The following HIBCH variants were observed in gnomAD, a reference collection of about 807,000 sequenced individuals.
The protein encoded by HIBCH is 3-hydroxyisobutyryl-CoA hydrolase, mitochondrial.
Under a neutral mutation model 58.2 loss-of-function variants are expected in HIBCH, and 50 were observed. The observed-to-expected ratio is 0.86, with a 90% CI of 0.68 to 1.09. The LOEUF is 1.09. Ranked by LOEUF, HIBCH falls within the 50% of genes least tolerant of loss-of-function variation. HIBCH has a pLI of 0.00. For synonymous variants in HIBCH, 151 were observed against 146.9 expected (o/e 1.03, Z -0.20); for missense variants, 450 against 449.7 (o/e 1.00, Z -0.01).
chr2:190,237,313 T>C (rs1686302941), intron 11 of HIBCH, among the ~76,000 whole-genome samples: 1 of 152,234 alleles, frequency 6.6e-6, no homozygotes, highest in Non-Finnish European at 1.5e-5. Flanking sequence ...AGCCATACAA[T>C]GAGTGGTCCT....
At position 190,290,482 on chromosome 2, in the gene HIBCH, A is replaced by T; in HGVS notation, c.308T>A (p.Ile103Asn). 1.1e-5 allele frequency: 18 copies of T among 1,591,228 alleles called. No individual in the cohort carries two copies. The highest frequency in any genetic ancestry group is 1.6e-5 in the Non-Finnish European group (18 of 1,160,150). ...AFCAGGDIRV[I>N]SEAEKAKQKI... ...CTGTTTTGCCTTTTCAGCTTCCGAG[A>T]TCACTAGGAAGGAAAGATTACAAAT... Residue 103 changes from isoleucine (I) to asparagine (N), a missense_variant, in exon 5 of 14, where the codon ATC (isoleucine) becomes AAC (asparagine). Physicochemically the swap from Ile to Asn is moderately radical, Grantham distance 149. Coordinates refer to ENST00000359678, the MANE Select transcript of HIBCH (RefSeq NM_014362.4).
chr2:190,237,392 T>G (rs1355911886), intron 11 of HIBCH, among the ~76,000 whole-genome samples: 1 of 152,260 alleles, frequency 6.6e-6, no homozygotes, highest in Non-Finnish European at 1.5e-5. Context: ...CAGCAGCTCA[T>G]TCCTTCTTAG....
chr2:190,251,664 T>C (rs1184595689), intron 8 of HIBCH: 7 of 225,054 alleles, frequency 3.1e-5, no homozygotes, highest in Non-Finnish European at 6.7e-5. Flanking sequence ...GCTGAGAAAA[T>C]TGGCCACATT....
chr2:190,311,447 T>C (rs191788571), intron 1 of HIBCH, among the ~76,000 whole-genome samples: 1 of 152,280 alleles, frequency 6.6e-6, no homozygotes, highest in African/African-American at 2.4e-5. Context: ...AAAAATAAAG[T>C]CATTAATCTT....
Position 190,213,093 on chromosome 2 carries a change from T to G in HIBCH, c.892-18A>C, listed in dbSNP as rs113980003. ...TTAATTACCTTTTGGAGGAAAAAAT[T>G]TACTACTGTTAGTCCAATAGTTCCT... is the stretch of plus-strand genomic sequence containing the variant. On this transcript the variant is annotated intron_variant, in intron 11 of 13. Transcript: ENST00000359678. The G allele has an allele frequency of 1.6e-5, 25 of 1,566,422 alleles. No homozygotes were observed. The African/African-American group carries it at 1.8e-4, about 11-fold the overall frequency.
Position 190,261,240 on chromosome 2 carries a change from G to GA in HIBCH, c.439-7dup, listed in dbSNP as rs1687081382. ...TGGACTGAGAGACCAACTCCCTAGA[G>GA]AAAAAAGGCAAAAAAAGAGGCGGGG... On this transcript the variant is annotated splice_region_variant and splice_polypyrimidine_tract_variant and intron_variant, in intron 6 of 13. Coordinates refer to ENST00000359678, the MANE Select transcript of HIBCH (RefSeq NM_014362.4). 1.9e-6 allele frequency: 3 copies of GA among 1,549,552 alleles called. No homozygotes were observed. Among genetic ancestry groups the GA allele is most frequent in the South Asian group, 1.1e-5 (1 of 90,034 alleles).
In HIBCH at chr2:190,289,594, T is replaced by C. The variant is rs185308462; in HGVS notation, c.385+811A>G. ...AACTTCCAAACTTGCAGTATTATAT[T>C]TCTTTTGGAGAAATTTTAAATCATC... On this transcript the variant is annotated intron_variant, in intron 5 of 13. Coordinates refer to ENST00000359678, the MANE Select transcript of HIBCH (RefSeq NM_014362.4). 5.9e-5 allele frequency among the ~76,000 whole-genome samples: 9 copies of C among 152,262 alleles called. No individual in the cohort carries two copies. The East Asian group carries it at 1.7e-3, about 29-fold the overall frequency.
At chr2:190,231,910 T>C (rs1483704140) in intron 11 of HIBCH, among the ~76,000 whole-genome samples, 2 of 152,180 alleles carry the variant, frequency 1.3e-5, no homozygotes, top group African/African-American at 4.8e-5. Context: ...TAAAACTTAA[T>C]TTCAGGGCAG....
intron 9 of HIBCH, 121 bp downstream of exon 9, chr2:190,249,519 A>T: frequency 1.6e-6 from 1 of 643,466 alleles, no homozygotes; most frequent in Non-Finnish European, 2.8e-6. Context: ...GCTTTAAAGT[A>T]AATAAATCCT....
At chr2:190,300,794 T>C (rs1403510096) in intron 2 of HIBCH, among the ~76,000 whole-genome samples, 1 of 152,258 alleles carries the variant, frequency 6.6e-6, no homozygotes, top group Non-Finnish European at 1.5e-5. Context: ...GGGTTTTACA[T>C]TTAAATCTTT....
At chr2:190,199,724 A>G (rs1690154901), downstream of HIBCH, 2 of 1,483,858 alleles carry the variant, frequency 1.3e-6, no homozygotes, top group African/African-American at 1.4e-5. Flanking sequence ...AGAGTGGTGA[A>G]AGGGAACATT....
In HIBCH at chr2:190,206,842, T is replaced by C. The variant is rs1322712192; in HGVS notation, c.1046-1610A>G. Among the ~76,000 whole-genome samples the C allele has an allele frequency of 6.6e-5, 10 of 152,170 alleles. No individual in the cohort carries two copies. Among genetic ancestry groups the C allele is most frequent in the Admixed American group, 6.5e-4 (10 of 15,274 alleles). ...ACTTTCTCTTCATTAAAAAGTAGCA[T>C]AGGCCAGGCGCGGTGGCTCAGGCCT... On this transcript the variant is annotated intron_variant, in intron 13 of 13. Coordinates refer to ENST00000359678, the MANE Select transcript of HIBCH (RefSeq NM_014362.4). The surrounding 1 kb of genome is among the most constrained non-coding windows in gnomAD (Gnocchi z 5.1).
intron 11 of HIBCH, among the ~76,000 whole-genome samples, chr2:190,234,484 G>C (rs928792603): frequency 6.6e-6 from 1 of 152,164 alleles, no homozygotes; most frequent in Non-Finnish European, 1.5e-5. Flanking sequence ...ACAAACTACT[G>C]TCATGTAAGT....
In HIBCH at chr2:190,310,787, T is replaced by G. The variant is rs1688536485; in HGVS notation, c.45A>C (p.Ala15=). 1 of 1,608,212 alleles carries G rather than the reference T, an allele frequency of 6.2e-7. No individual in the cohort carries two copies. The highest frequency in any genetic ancestry group is 1.3e-5 in the African/African-American group (1 of 74,846). ...GCAGTATGGTATTAGTCCTTTTGAA[T>G]GCATTAAACCTGAAACAAATGTGGA... ...EMWRLMSRFN[A]FKRTNTILHH... is the part of the protein sequence containing the mutation. The change falls in exon 2 of 14, where the codon GCA becomes GCC. Residue 15 remains alanine (A), a synonymous_variant. Coordinates refer to ENST00000359678, the MANE Select transcript of HIBCH (RefSeq NM_014362.4).
chr2:190,302,955 G>C (rs6707066), intron 2 of HIBCH, among the ~76,000 whole-genome samples: 1,999 of 152,286 alleles, frequency 0.013, 52 homozygotes, highest in African/African-American at 0.044. Context: ...TGGTAGCAAG[G>C]AGCAGGTAAC....
rs1034759172 is a variant in HIBCH at position 190,228,009 on chromosome 2, T to G, written c.892-14934A>C. ...ACAGTGTGGCAATTCCTCAAGGATC[T>G]AGAACTAGAAATACCATTTGACCCA... On this transcript the variant is annotated intron_variant, in intron 11 of 13. Transcript: ENST00000359678. Among the ~76,000 whole-genome samples the G allele has an allele frequency of 2.0e-5, 3 of 152,190 alleles. No individual in the cohort carries two copies. In the East Asian group the frequency reaches 5.8e-4, roughly 29 times the overall value.
intron 11 of HIBCH, among the ~76,000 whole-genome samples, chr2:190,238,180 T>C (rs912475338): frequency 5.3e-5 from 8 of 152,186 alleles, no homozygotes; most frequent in Non-Finnish European, 1.5e-5. Context: ...CCTATGGGTA[T>C]ATACCCAGTA....
chr2:190,278,641 T>C (rs1005124050), intron 6 of HIBCH, among the ~76,000 whole-genome samples: 2 of 151,446 alleles, frequency 1.3e-5, no homozygotes, highest in African/African-American at 4.9e-5. Flanking sequence ...AGTTTTTAAC[T>C]TTACCTTCAC....
chr2:190,299,674 TG>T (rs1285828097), intron 2 of HIBCH, among the ~76,000 whole-genome samples: 3 of 152,224 alleles, frequency 2.0e-5, no homozygotes, highest in Non-Finnish European at 2.9e-5. Context: ...GTTTTGTTTT[TG>T]TTTTTTTAAC....
Sources: allele counts gnomAD v4.1 joint callset (sites outside exome capture counted in the v4.1 genomes callset), GRCh38; gene constraint gnomAD v4.1.1; non-coding constraint Gnocchi (gnomAD v3.1); transcripts MANE v1.5; gene names NCBI Gene and HGNC (gene_info 2026-07-23, HGNC 2026-07-21).